The following LZTR1 variants were observed in gnomAD, a reference collection of about 807,000 sequenced individuals.
LZTR1 encodes the protein leucine zipper like post translational regulator 1.
A neutral mutation model predicts 105.7 loss-of-function variants in LZTR1; 260 were observed. The ratio of observed to expected loss-of-function variants is 2.46; its 90% confidence interval spans 2.22 to 2.72. LZTR1 has a LOEUF of 2.72. Among genes scored for constraint, LZTR1 ranks in the 30% most tolerant of loss-of-function variants. LZTR1 has a pLI of 0.00. For synonymous variants in LZTR1, 490 were observed against 476.4 expected (o/e 1.03, Z -0.37); for missense variants, 1,214 against 1,166.9 (o/e 1.04, Z -0.59).
intron 14 of LZTR1, 60 bp from the exon 15 acceptor site, chr22:20,994,498 C>T (rs544101620): frequency 2.5e-5 from 39 of 1,546,002 alleles, no homozygotes; most frequent in African/African-American, 1.4e-4. Flanking sequence ...GGGAGCCCTG[C>T]GCCCTGTGCC....
rs1924570608 is a variant in LZTR1, at chr22:20,990,526, G to GT, written c.791+2dup. 1 of 1,608,500 alleles carries GT rather than the reference G, an allele frequency of 6.2e-7. No individual in the cohort carries two copies. The highest frequency in any genetic ancestry group is 8.5e-7 in the Non-Finnish European group (1 of 1,176,594). On this transcript the variant is annotated splice_donor_variant, in intron 8 of 20. Transcript: ENST00000646124. LOFTEE classifies it high-confidence loss of function. ...TCCAGTTTGAATTCAAGGACAAGAC[G>GT]TGAGTACTCTGGCCAGTGGGGTGGA...
chr22:20,987,952 G>T (rs957249527), intron 4 of LZTR1, 58 bp from the exon 5 acceptor site: 2 of 1,053,140 alleles, frequency 1.9e-6, no homozygotes, highest in African/African-American at 1.6e-5. Flanking sequence ...ACCTTCCAGG[G>T]TTTGAAATCT....
chr22:20,987,927 G>C lies in LZTR1; in HGVS notation c.401-83G>C, dbSNP rs925510376. On this transcript the variant is annotated intron_variant, in intron 4 of 20. Transcript: ENST00000646124. ...TCCTGGCTTATGCATTTTCAGGGGG[G>C]CCAGATTCTGCTCCACCTTCCAGGG... 2.4e-5 allele frequency: 20 copies of C among 831,842 alleles called. No homozygotes were observed. The South Asian group carries it at 3.0e-4, about 12-fold the overall frequency. The allele number at this position is 831,842 out of a possible 1,614,324, so 51.5% of individuals were successfully genotyped here.
At position 20,996,937 on chromosome 22, in the gene LZTR1, C is replaced by G. The variant is rs758081836; in HGVS notation, c.2377C>G (p.Leu793Val). 1 of 1,613,738 alleles carries G rather than the reference C, an allele frequency of 6.2e-7. No individual in the cohort carries two copies. The highest frequency in any genetic ancestry group is 2.2e-5 in the East Asian group (1 of 44,882). Residue 793 changes from leucine (L) to valine (V), a missense_variant, in exon 20 of 21, where the codon CTG becomes GTG. Physicochemically the swap from Leu to Val is conservative, Grantham distance 32. Coordinates refer to ENST00000646124, the MANE Select transcript of LZTR1 (RefSeq NM_006767.4). ...GGCACTGGACATGAAGCGGCACTGC[C>G]TGCACATCATTGTGCACCAGTTCAC... ...TQALDMKRHC[L>V]HIIVHQFTKV...
intron 3 of LZTR1, 35 bp from the exon 4 acceptor site, chr22:20,987,469 C>A: frequency 1.5e-6 from 2 of 1,295,172 alleles, no homozygotes; most frequent in Non-Finnish European, 2.3e-6. Flanking sequence ...ATGGGTGACC[C>A]CCGCTGACTC....
At chr22:20,988,700 C>T (rs536499548) in intron 5 of LZTR1, 89 bp from the exon 6 acceptor site, 11 of 886,480 alleles carry the variant, frequency 1.2e-5, no homozygotes, top group South Asian at 1.2e-4. Flanking sequence ...TGCAGCCTGG[C>T]TGTGGCCCCT....
rs1466537683 is a variant in LZTR1, at chr22:20,994,709, G to A, written c.1767G>A (p.Leu589=). ...TTGTGTGCGAGAGTGCCGCCCGGCT[G>A]CAGCTGAGCCAACTCAAGGTGTGGG... ...VLVVCESAAR[L]QLSQLKEHCL... Residue 589 remains leucine (L), a synonymous_variant, in exon 15 of 21, where the codon CTG becomes CTA. Coordinates refer to ENST00000646124, the MANE Select transcript of LZTR1 (RefSeq NM_006767.4). The A allele has an allele frequency of 1.2e-6, 2 of 1,612,066 alleles. No individual in the cohort carries two copies. Among genetic ancestry groups the A allele is most frequent in the Non-Finnish European group, 1.7e-6 (2 of 1,179,974 alleles).
chr22:20,997,855 T>G lies in LZTR1; in HGVS notation c.*507T>G. 1 of 154,734 alleles carries G rather than the reference T, an allele frequency of 6.5e-6. No individual in the cohort carries two copies. The highest frequency in any genetic ancestry group is 1.4e-5 in the Non-Finnish European group (1 of 69,580). 9.6% of individuals were successfully genotyped at this position (154,734 alleles called of 1,614,324 possible). Reference sequence around the variant, plus strand: ...TGAGATCCATGTAAGGGGCTCCTCTTCCCACCTGGAACTTGTGAGTGGGGA... The same window carrying G: ...TGAGATCCATGTAAGGGGCTCCTCTGCCCACCTGGAACTTGTGAGTGGGGA... On this transcript the variant is annotated 3_prime_UTR_variant, in exon 21 of 21. Transcript: ENST00000646124.
At chr22:20,988,645 G>A (rs918734871) in intron 5 of LZTR1, 144 bp from the exon 6 acceptor site, 7 of 657,184 alleles carry the variant, frequency 1.1e-5, no homozygotes, top group Admixed American at 2.2e-5. Flanking sequence ...TATTCCTAGT[G>A]CCTTGTGGAG....
intron 16 of LZTR1, 197 bp from the exon 17 acceptor site, chr22:20,995,549 G>A: frequency 1.3e-6 from 1 of 741,270 alleles, no homozygotes. Flanking sequence ...TGTGCGTGGG[G>A]CATAGTGCTT....
rs1924365049 is a variant in LZTR1, at chr22:20,985,899, TG to T, written c.320+5del. The T allele has an allele frequency of 3.1e-6, 5 of 1,613,958 alleles. No individual in the cohort carries two copies. The highest frequency in any genetic ancestry group is 4.2e-6 in the Non-Finnish European group (5 of 1,179,986). On this transcript the variant is annotated splice_donor_region_variant and intron_variant, in intron 3 of 20. Coordinates refer to ENST00000646124, the MANE Select transcript of LZTR1 (RefSeq NM_006767.4). ...TGTGAAAGACTGCTCCTGGTGCAGG[TG>T]GGTGGCCCCGTGCTCCAGGGCCCTG...
Position 20,982,516 on chromosome 22 carries a change from G to GA in LZTR1, c.148dup (p.Thr50AsnfsTer28). ...CCTGACGCTCAACTTCGGGCCCTTCGAAACAGTGCATCGCTGGCGGCGCCT... is the reference window on the plus strand; with the variant it reads ...CCTGACGCTCAACTTCGGGCCCTTCGAAAACAGTGCATCGCTGGCGGCGCCT... On this transcript the variant is annotated frameshift_variant, in exon 1 of 21. Transcript: ENST00000646124. LOFTEE classifies it high-confidence loss of function. The GA allele has an allele frequency of 1.9e-6, 3 of 1,613,230 alleles. No homozygotes were observed. Among genetic ancestry groups the GA allele is most frequent in the Non-Finnish European group, 2.5e-6 (3 of 1,179,764 alleles).
rs1674068727 is a variant in LZTR1 at position 20,990,524 on chromosome 22, A to G, written c.790A>G (p.Thr264Ala). ...NLFQFEFKDK[T>A]WTRIPTEHLL... is the part of the protein sequence containing the mutation. ...CTTCCAGTTTGAATTCAAGGACAAG[A>G]CGTGAGTACTCTGGCCAGTGGGGTG... The change falls in exon 8 of 21, where the codon ACG becomes GCG. Residue 264 changes from threonine (T) to alanine (A), a missense_variant and splice_region_variant. Thr to Ala is a moderately conservative substitution (Grantham distance 58, BLOSUM62 0). Transcript: ENST00000646124. 1.9e-6 allele frequency: 3 copies of G among 1,608,938 alleles called. No homozygotes were observed. The highest frequency in any genetic ancestry group is 2.5e-6 in the Non-Finnish European group (3 of 1,176,848).
chr22:20,983,045 G>C lies in LZTR1; in HGVS notation c.219G>C (p.Val73=), dbSNP rs1924256492. 6.2e-7 allele frequency: 1 copy of C among 1,614,040 alleles called. No individual in the cohort carries two copies. Among genetic ancestry groups the C allele is most frequent in the Non-Finnish European group, 8.5e-7 (1 of 1,180,002 alleles). ...FVGARRSKHT[V]VAYKDAIYVF... ...TTTCCAGGCGCAGCAAGCACACAGT[G>C]GTGGCCTATAAAGATGCCATTTATG... is the stretch of plus-strand genomic sequence containing the variant. The change falls in exon 2 of 21, where the codon GTG becomes GTC. Residue 73 remains valine (V), a synonymous_variant. Coordinates refer to ENST00000646124, the MANE Select transcript of LZTR1 (RefSeq NM_006767.4).
In LZTR1 at chr22:20,991,434, C is replaced by T. The variant is rs76884142; in HGVS notation, c.792-194C>T. 0.048 allele frequency: 28,229 copies of T among 583,164 alleles called. 859 individuals carry two copies. The highest frequency in any genetic ancestry group is 0.098 in the Middle Eastern group (212 of 2,162). 36.1% of individuals were successfully genotyped at this position (583,164 alleles called of 1,614,324 possible). On this transcript the variant is annotated intron_variant, in intron 8 of 20. Coordinates refer to ENST00000646124, the MANE Select transcript of LZTR1 (RefSeq NM_006767.4). The stretch of plus-strand genomic sequence containing the variant: ...GGACCCTGCGGTGGGCCACATGGAG[C>T]CAGGCAGGGCTGGTGCCCGTGCTGG...
At chr22:20,987,651 G>T in intron 4 of LZTR1, 68 bp downstream of exon 4, 1 of 1,403,770 alleles carries the variant, frequency 7.1e-7, no homozygotes, top group Non-Finnish European at 1.0e-6. Flanking sequence ...CCCTTCTGCA[G>T]GCCTGGGGCA....
rs55660821 is a variant in LZTR1, at chr22:20,990,303, A to C, written c.652-83A>C. ...CTGGGGAAGTTTCAAGAATAAAAGC[A>C]GTCCCATCTCAGCAGTCTCGAGTGT... On this transcript the variant is annotated intron_variant, in intron 7 of 20. Coordinates refer to ENST00000646124, the MANE Select transcript of LZTR1 (RefSeq NM_006767.4). 692,741 of 1,460,370 alleles carry C rather than the reference A, an allele frequency of 0.47. 167,547 individuals are homozygous for C. The highest frequency in any genetic ancestry group is 0.52 in the Admixed American group (30,360 of 58,514). 90.5% of individuals were successfully genotyped at this position (1,460,370 alleles called of 1,614,324 possible). A position where few individuals can be genotyped will look rare whatever the true frequency, so the allele number is the denominator to read the frequency against.
Position 20,990,323 on chromosome 22 carries a change from G to A in LZTR1, c.652-63G>A, listed in dbSNP as rs748467456. The A allele has an allele frequency of 2.0e-5, 32 of 1,587,536 alleles. No individual in the cohort carries two copies. The East Asian group carries it at 6.0e-4, about 30-fold the overall frequency. On this transcript the variant is annotated intron_variant, in intron 7 of 20. Coordinates refer to ENST00000646124, the MANE Select transcript of LZTR1 (RefSeq NM_006767.4). ...AAAGCAGTCCCATCTCAGCAGTCTC[G>A]AGTGTGGTGAAATGTGAGCGGGCCC... is the stretch of plus-strand genomic sequence containing the variant.
At chr22:20,995,071 G>A (rs749656116) in intron 16 of LZTR1, 45 bp downstream of exon 16, 2 of 1,569,140 alleles carry the variant, frequency 1.3e-6, no homozygotes, top group South Asian at 1.2e-5. Flanking sequence ...GAGGGATGGT[G>A]TTCATCTGCG....
Sources: allele counts gnomAD v4.1 joint callset, GRCh38; gene constraint gnomAD v4.1.1; transcripts MANE v1.5; gene names NCBI Gene and HGNC (gene_info 2026-07-23, HGNC 2026-07-21).